AKAP19: variants seen among roughly 807,000 people sequenced by gnomAD.
The protein encoded by AKAP19 is A-kinase anchoring protein 19.
the AKAP19 span, among the ~76,000 whole-genome samples, chr2:190,158,137 T>C: frequency 6.6e-6 from 1 of 152,192 alleles, no homozygotes; most frequent in Non-Finnish European, 1.5e-5. Context: ...CCTTGCTTGC[T>C]CAAATCAATC....
the AKAP19 span, among the ~76,000 whole-genome samples, chr2:190,134,080 A>G: frequency 5.3e-5 from 8 of 152,220 alleles, no homozygotes; most frequent in Non-Finnish European, 1.0e-4. Context: ...ATTATGTTGT[A>G]TACCATAAAT....
chr2:190,192,994 G>C, the AKAP19 span, among the ~76,000 whole-genome samples: 5 of 151,742 alleles, frequency 3.3e-5, no homozygotes, highest in Non-Finnish European at 5.9e-5. Flanking sequence ...TTTATGCTTT[G>C]TATGTCTTCC....
the AKAP19 span, among the ~76,000 whole-genome samples, chr2:190,129,453 C>A: frequency 6.6e-6 from 1 of 152,084 alleles, no homozygotes; most frequent in South Asian, 2.1e-4. Flanking sequence ...TTGCCATGTG[C>A]CCTGATTATG....
the AKAP19 span, among the ~76,000 whole-genome samples, chr2:190,174,688 T>C: frequency 1.3e-5 from 2 of 152,218 alleles, no homozygotes; most frequent in South Asian, 2.1e-4. Context: ...CAATATAATA[T>C]GAAATTTGAA....
At chr2:190,014,360 TGA>T in the AKAP19 span, among the ~76,000 whole-genome samples, 1 of 152,084 alleles carries the variant, frequency 6.6e-6, no homozygotes, top group African/African-American at 2.4e-5. Flanking sequence ...TGAGAGCAAG[TGA>T]GTGTGTGAAG....
the AKAP19 span, among the ~76,000 whole-genome samples, chr2:190,142,149 G>T: frequency 6.6e-6 from 1 of 152,136 alleles, no homozygotes; most frequent in South Asian, 2.1e-4. Context: ...CCAGCTTCAT[G>T]ATCTTACAAA....
At chr2:190,174,084 C>CCAGT in the AKAP19 span, among the ~76,000 whole-genome samples, 1 of 152,238 alleles carries the variant, frequency 6.6e-6, no homozygotes, top group South Asian at 2.1e-4. Flanking sequence ...TTAAAATAGC[C>CCAGT]CAGTCAGAAT....
the AKAP19 span, among the ~76,000 whole-genome samples, chr2:189,882,481 G>C: frequency 6.6e-6 from 1 of 152,110 alleles, no homozygotes; most frequent in Non-Finnish European, 1.5e-5. Flanking sequence ...GTCCAGAAAG[G>C]CAGGACAACC....
the AKAP19 span, among the ~76,000 whole-genome samples, chr2:189,891,497 A>T: frequency 6.6e-6 from 1 of 152,026 alleles, no homozygotes; most frequent in African/African-American, 2.4e-5. Context: ...TGCTGGGATT[A>T]CAGATGTGAG....
At chr2:190,016,452 C>A in the AKAP19 span, among the ~76,000 whole-genome samples, 1 of 152,188 alleles carries the variant, frequency 6.6e-6, no homozygotes, top group Non-Finnish European at 1.5e-5. Flanking sequence ...ACCCCATGAT[C>A]CAATCACTTC....
the AKAP19 span, among the ~76,000 whole-genome samples, chr2:189,960,953 C>G: frequency 6.6e-6 from 1 of 152,290 alleles, no homozygotes; most frequent in East Asian, 1.9e-4. Context: ...ACTTTCCATT[C>G]CAAATATTGC....
the AKAP19 span, among the ~76,000 whole-genome samples, chr2:190,152,439 C>T: frequency 6.6e-6 from 1 of 152,166 alleles, no homozygotes; most frequent in South Asian, 2.1e-4. Flanking sequence ...TGCACTAAAT[C>T]CCCATGTGCA....
At chr2:189,896,408 T>G in the AKAP19 span, among the ~76,000 whole-genome samples, 1 of 152,292 alleles carries the variant, frequency 6.6e-6, no homozygotes, top group East Asian at 1.9e-4. Context: ...GTTATCTTTC[T>G]TTGTGTCATG....
the AKAP19 span, among the ~76,000 whole-genome samples, chr2:189,970,100 CAA>C: frequency 5.9e-5 from 9 of 152,016 alleles, no homozygotes; most frequent in Non-Finnish European, 8.8e-5. Context: ...CTCCTGGACT[CAA>C]GAGATCCACT....
chr2:190,160,971 T>C, the AKAP19 span, among the ~76,000 whole-genome samples: 1 of 152,178 alleles, frequency 6.6e-6, no homozygotes, highest in Non-Finnish European at 1.5e-5. Flanking sequence ...TTATATTTGG[T>C]CTTAGATGAT....
At chr2:189,890,907 C>A in the AKAP19 span, among the ~76,000 whole-genome samples, 2 of 152,080 alleles carry the variant, frequency 1.3e-5, no homozygotes, top group East Asian at 3.8e-4. Flanking sequence ...GGGCATTTAG[C>A]CCATTTACAT....
the AKAP19 span, among the ~76,000 whole-genome samples, chr2:190,109,512 G>C: frequency 6.6e-6 from 1 of 152,122 alleles, no homozygotes; most frequent in African/African-American, 2.4e-5. Context: ...CAGATCCTCT[G>C]CTGGGGATGG....
chr2:190,089,472 A>C, the AKAP19 span: 2 of 152,222 alleles, frequency 1.3e-5, no homozygotes, highest in East Asian at 3.9e-4. Context: ...TTCTATGTAC[A>C]CCTGAAAAAT....
At chr2:190,130,147 A>G in the AKAP19 span, among the ~76,000 whole-genome samples, 3 of 152,284 alleles carry the variant, frequency 2.0e-5, no homozygotes, top group East Asian at 5.8e-4. Context: ...TTTATAAACT[A>G]TTTTATAACT....
Sources: gnomAD v4.1 joint callset for allele counts (sites outside exome capture counted in the v4.1 genomes callset) on GRCh38, gnomAD v4.1.1 for gene constraint, MANE v1.5 for transcripts, NCBI Gene and HGNC (gene_info 2026-07-23, HGNC 2026-07-21) for gene names.